RNF213: variants seen among roughly 807,000 people sequenced by gnomAD.
RNF213 encodes the protein ring finger protein 213, also known as E3 ubiquitin-protein ligase RNF213.
In RNF213, 341 loss-of-function variants were observed where a neutral mutation model predicts 514.4. The observed-to-expected ratio is 0.66, with a 90% CI of 0.61 to 0.73. RNF213 has a LOEUF of 0.73. RNF213 is among the 30% of genes least tolerant of loss of function. The pLI is 0.00. For missense variants in RNF213, 5,767 were observed against 6,615.6 expected, an observed-to-expected ratio of 0.87 and a Z score of 4.45; for synonymous variants, 2,655 against 2,658.2, an observed-to-expected ratio of 1.00 and a Z score of 0.04.
At chr17:80,368,322 T>G (rs186096141) in intron 44 of RNF213, among the ~76,000 whole-genome samples, 179 bp downstream of exon 44, 13 of 152,330 alleles carry the variant, frequency 8.5e-5, no homozygotes. Context: ...TCAAGATTAT[T>G]CTCTCCCCAA....
At chr17:80,286,001 C>T (rs1397779619) in intron 3 of RNF213, among the ~76,000 whole-genome samples, 7 of 152,184 alleles carry the variant, frequency 4.6e-5, no homozygotes, top group Admixed American at 3.3e-4. Context: ...GAGATGGAGT[C>T]TCACTCTGTC....
chr17:80,290,813 GTTT>G, intron 7 of RNF213, 85 bp downstream of exon 7: 1 of 1,290,520 alleles, frequency 7.7e-7, no homozygotes, highest in Non-Finnish European at 1.1e-6. Context: ...AAAAAATTTT[GTTT>G]TTTTTTTTTC....
Position 80,263,742 on chromosome 17 carries a change from T to C in RNF213, c.61T>C (p.Cys21Arg). 1.5e-5 allele frequency: 25 copies of C among 1,614,046 alleles called. No individual in the cohort carries two copies. Among genetic ancestry groups the C allele is most frequent in the Non-Finnish European group, 2.1e-5 (25 of 1,179,996 alleles). The change falls in exon 2 of 68, where the codon TGC (cysteine) becomes CGC (arginine). Residue 21 changes from cysteine to arginine, a missense_variant. Transcript: ENST00000582970. This position sits in a 1 kb window ranked among gnomAD's most constrained non-coding sequence, Gnocchi z 4.9. ...KEETPKFCSQ[C>R]GERLPPAAPI... is the part of the protein sequence containing the mutation. The stretch of plus-strand genomic sequence containing the variant: ...GGAAACCCCCAAGTTCTGCAGCCAG[T>C]GCGGAGAGAGGCTGCCTCCTGCAGC...
At chr17:80,376,214 G>C (rs1023978803) in intron 51 of RNF213, 87 bp from the exon 52 acceptor site, 1 of 1,453,416 alleles carries the variant, frequency 6.9e-7, no homozygotes, top group African/African-American at 1.4e-5. Flanking sequence ...CTTGATATTT[G>C]ATGTGTATTT....
chr17:80,318,772 A>G (rs1259555361), intron 16 of RNF213, among the ~76,000 whole-genome samples: 1 of 152,092 alleles, frequency 6.6e-6, no homozygotes, highest in African/African-American at 2.4e-5. Flanking sequence ...ACGGGGTTTC[A>G]CCGTGTTAGC....
In RNF213 at chr17:80,313,178, G is replaced by A; in HGVS notation, c.2811+11G>A. ...GTCAAGGAAATTGAGGTAGGCATTT[G>A]GCCGAAGGCTTCTGGGTAGGGATGT... On this transcript the variant is annotated intron_variant, in intron 15 of 67. Coordinates refer to ENST00000582970, the MANE Select transcript of RNF213 (RefSeq NM_001256071.3). 1 of 1,613,998 alleles carries A rather than the reference G, an allele frequency of 6.2e-7. No homozygotes were observed. The highest frequency in any genetic ancestry group is 8.5e-7 in the Non-Finnish European group (1 of 1,180,018).
intron 11 of RNF213, 140 bp downstream of exon 11, chr17:80,298,658 T>G (rs2045054313): frequency 4.3e-6 from 4 of 926,886 alleles, no homozygotes; most frequent in Non-Finnish European, 6.7e-6. Context: ...TTTAACATTT[T>G]AAGACATCAA....
rs776162319 is a variant in RNF213, at chr17:80,374,554, G to A, written c.13039G>A (p.Glu4347Lys). 1.4e-5 allele frequency: 22 copies of A among 1,614,054 alleles called. No homozygotes were observed. Among genetic ancestry groups the A allele is most frequent in the East Asian group, 6.7e-5 (3 of 44,896 alleles). ...LRDAVAKAVL[E>K]CKPLGIKTAL... Reference sequence around the variant, plus strand: ...TGATGCTGTGGCCAAAGCTGTCCTCGAGTGCAAGCCACTGGGCATTAAGAC... The same window carrying A: ...TGATGCTGTGGCCAAAGCTGTCCTCAAGTGCAAGCCACTGGGCATTAAGAC... The change falls in exon 50 of 68, where the codon GAG becomes AAG. Residue 4347 changes from glutamate (E) to lysine (K), a missense_variant. Glu to Lys is a moderately conservative substitution (Grantham distance 56, BLOSUM62 1). This residue lies in a region of RNF213 where 1,245 missense variants were observed against 1,339.0 expected (regional missense o/e 0.93). Coordinates refer to ENST00000582970, the MANE Select transcript of RNF213 (RefSeq NM_001256071.3).
intron 2 of RNF213, among the ~76,000 whole-genome samples, chr17:80,271,398 C>T (rs1228833690): frequency 6.6e-6 from 1 of 152,238 alleles, no homozygotes; most frequent in Non-Finnish European, 1.5e-5. Context: ...CCCTCCAGAT[C>T]TCAGAGGAGG....
chr17:80,331,000 G>A (rs2046398981), intron 20 of RNF213, among the ~76,000 whole-genome samples: 2 of 152,166 alleles, frequency 1.3e-5, no homozygotes, highest in Admixed American at 6.5e-5. Flanking sequence ...TGTATTTTTA[G>A]TGGAGATGGG....
rs188858084 is a variant in RNF213 at position 80,298,516 on chromosome 17, T to C, written c.2208T>C (p.Asp736=). The C allele has an allele frequency of 1.2e-6, 2 of 1,613,988 alleles. No homozygotes were observed. Among genetic ancestry groups the C allele is most frequent in the Non-Finnish European group, 1.7e-6 (2 of 1,180,032 alleles). ...CACCGTTCCGGGAACAAATGCTAGA[T>C]ACGTAAGTCGTAGAGTTGTGCTTAT... ...SFSPFREQML[D]TSSLLQFMRE... Residue 736 remains aspartate, a splice_region_variant and synonymous_variant, in exon 11 of 68, where the codon GAT becomes GAC. Coordinates refer to ENST00000582970, the MANE Select transcript of RNF213 (RefSeq NM_001256071.3).
rs1415519603 is a variant in RNF213 at position 80,306,254 on chromosome 17, G to A, written c.2213G>A (p.Ser738Asn). ...CCGTCCCTATTTCTCTTATGCAGGA[G>A]TTCCCTACTTCAGTTTATGAGAGAG... The part of the protein sequence containing the change: ...SPFREQMLDT[S>N]SLLQFMREKQ... The change falls in exon 12 of 68, where the codon AGT becomes AAT. Residue 738 changes from serine (S) to asparagine (N), a missense_variant and splice_region_variant. By Grantham distance (46) the Ser-to-Asn change is conservative. This residue lies in a region of RNF213 where 592 missense variants were observed against 673.9 expected (regional missense o/e 0.88). Transcript: ENST00000582970. The A allele has an allele frequency of 4.3e-6, 7 of 1,614,028 alleles. No homozygotes were observed. In the Admixed American group the frequency reaches 8.3e-5, roughly 19 times the overall value.
chr17:80,351,793 C>CT lies in RNF213; in HGVS notation c.10295dup (p.His3433ProfsTer12), dbSNP rs1379677491. 6.4e-7 allele frequency: 1 copy of CT among 1,560,376 alleles called. No individual in the cohort carries two copies. Among genetic ancestry groups the CT allele is most frequent in the Non-Finnish European group, 8.8e-7 (1 of 1,131,156 alleles). On this transcript the variant is annotated frameshift_variant, in exon 32 of 68. Coordinates refer to ENST00000582970, the MANE Select transcript of RNF213 (RefSeq NM_001256071.3). LOFTEE classifies it high-confidence loss of function. ...TGGGAAGAGGAACAGCCTATGTGGG[C>CT]TTCCACGGAGGTGAGATCAGAACAT...
chr17:80,369,640 C>T lies in RNF213; in HGVS notation c.12294C>T (p.Val4098=), dbSNP rs1302372980. Residue 4098 remains valine, a synonymous_variant, in exon 45 of 68, where the codon GTC becomes GTT. Transcript: ENST00000582970. ...VIESLLSLLF[V]QKGRLRDAAQ... ...AGAGCCTGCTCTCTCTCCTCTTCGT[C>T]CAAAAGGGGCGCTTAAGAGATGCTG... 1 of 1,614,242 alleles carries T rather than the reference C, an allele frequency of 6.2e-7. No homozygotes were observed. The highest frequency in any genetic ancestry group is 1.1e-5 in the South Asian group (1 of 91,088).
At chr17:80,271,007 C>T (rs2043802185) in intron 2 of RNF213, among the ~76,000 whole-genome samples, 1 of 152,118 alleles carries the variant, frequency 6.6e-6, no homozygotes, top group Non-Finnish European at 1.5e-5. Flanking sequence ...TGCTTCCATA[C>T]TTCTTGCTGG....
In RNF213 at chr17:80,325,164, G is replaced by A. The variant is rs370939163; in HGVS notation, c.3159G>A (p.Thr1053=). ...ATGACATTTTAAAGCATCTGCTCAC[G>A]TTGGCAGATGTCAAGCACGTCTTCA... ...NFDDILKHLL[T]LADVKHVFRL... is the part of the protein sequence containing the mutation. The change falls in exon 18 of 68, where the codon ACG becomes ACA. Residue 1053 remains threonine (T), a synonymous_variant. Transcript: ENST00000582970. 1.0e-3 allele frequency: 1,587 copies of A among 1,535,746 alleles called. 31 individuals are homozygous for A. In the South Asian group the frequency reaches 0.017, roughly 17 times the overall value.
Position 80,346,392 on chromosome 17 carries a change from T to C in RNF213, c.8057T>C (p.Met2686Thr). Residue 2686 changes from methionine (M) to threonine (T), a missense_variant, in exon 29 of 68, where the codon ATG becomes ACG. Met to Thr is a moderately conservative substitution (Grantham distance 81). This residue lies in a region of RNF213 where 1,377 missense variants were observed against 1,635.2 expected (regional missense o/e 0.84). Transcript: ENST00000582970. This position sits in a 1 kb window ranked among gnomAD's most constrained non-coding sequence, Gnocchi z 8.1. The part of the protein sequence containing the change: ...TERDPVLWSL[M>T]LAIGVCYHAS... ...AGAGATCCCGTCCTCTGGTCGTTGA[T>C]GCTGGCCATCGGGGTGTGTTACCAT... is the stretch of plus-strand genomic sequence containing the variant. The C allele has an allele frequency of 1.9e-6, 3 of 1,613,156 alleles. No homozygotes were observed. Among genetic ancestry groups the C allele is most frequent in the Non-Finnish European group, 2.5e-6 (3 of 1,179,958 alleles).
In RNF213 at chr17:80,346,491, G is replaced by A; in HGVS notation, c.8156G>A (p.Arg2719Lys). 1.2e-6 allele frequency: 2 copies of A among 1,613,814 alleles called. No individual in the cohort carries two copies. Among genetic ancestry groups the A allele is most frequent in the Non-Finnish European group, 1.7e-6 (2 of 1,180,040 alleles). ...TTTCCGAAACCGTATGACGACAGCA[G>A]GCTGCTTCTGGATGAAATAACACGG... ...RFFPKPYDDS[R>K]LLLDEITRAQ... Residue 2719 changes from arginine (R) to lysine (K), a missense_variant, in exon 29 of 68, where the codon AGG (arginine) becomes AAG (lysine). By Grantham distance (26) the Arg-to-Lys change is conservative. Around this residue, in one of 13 missense-constraint regions of RNF213, gnomAD observed 1,377 missense variants for 1,635.2 expected, o/e 0.84. Transcript: ENST00000582970. The surrounding 1 kb of genome is among the most constrained non-coding windows in gnomAD (Gnocchi z 8.1).
rs1049917804 is a variant in RNF213 at position 80,376,381 on chromosome 17, C to T, written c.13266C>T (p.Leu4422=). The T allele has an allele frequency of 1.3e-5, 21 of 1,614,080 alleles. No individual in the cohort carries two copies. Among genetic ancestry groups the T allele is most frequent in the African/African-American group, 2.7e-5 (2 of 74,928 alleles). ...PPDISRFATS[L]VDNSVPLLRA... Reference sequence around the variant, plus strand: ...ATATCAGCCGTTTTGCAACATCGCTCGTGGACAATTCTGTGCCATTGTTGA... The same window carrying T: ...ATATCAGCCGTTTTGCAACATCGCTTGTGGACAATTCTGTGCCATTGTTGA... Residue 4422 remains leucine (L), a synonymous_variant, in exon 52 of 68, where the codon CTC becomes CTT. Transcript: ENST00000582970.
Sources: allele counts gnomAD v4.1 joint callset (sites outside exome capture counted in the v4.1 genomes callset), GRCh38; gene constraint gnomAD v4.1.1; regional missense constraint gnomAD v4.1.1; non-coding constraint Gnocchi (gnomAD v3.1); transcripts MANE v1.5; gene names NCBI Gene and HGNC (gene_info 2026-07-23, HGNC 2026-07-21).